Variants in CNTN2 observed in about 807,000 individuals in gnomAD.
CNTN2 encodes the protein contactin 2, also known as contactin-2.
Under a neutral mutation model 117.5 loss-of-function variants are expected in CNTN2, and 53 were observed. The ratio of observed to expected loss-of-function variants is 0.45; its 90% confidence interval spans 0.36 to 0.57. The LOEUF (loss-of-function observed/expected upper bound fraction) is 0.57. CNTN2 is among the 20% of genes least tolerant of loss of function. The pLI, the probability that CNTN2 is intolerant of heterozygous loss-of-function variation, is 0.00. For missense variants in CNTN2, 1,106 were observed against 1,404.3 expected (o/e 0.79, Z 3.39); for synonymous variants, 530 against 561.7 (o/e 0.94, Z 0.80).
At chr1:205,072,362 A>G (rs1574662930) in intron 20 of CNTN2, 121 bp from the exon 21 acceptor site, 1 of 745,876 alleles carries the variant, frequency 1.3e-6, no homozygotes, top group African/African-American at 1.9e-5. Flanking sequence ...CGTGGGCATG[A>G]CAGAATGTGC....
rs1018407005 is a variant in CNTN2 at position 205,059,449 on chromosome 1, C to G, written c.698-134C>G. ...TCCTCCTGCTTCAAATCCTGAGGCC[C>G]TTGCCCCAGGCCTCAAGGAGATTCC... On this transcript the variant is annotated intron_variant, in intron 6 of 22. Transcript: ENST00000331830. This position sits in a 1 kb window ranked among gnomAD's most constrained non-coding sequence, Gnocchi z 5.6. 57 of 1,170,864 alleles carry G rather than the reference C, an allele frequency of 4.9e-5. No homozygotes were observed. Among genetic ancestry groups the G allele is most frequent in the Non-Finnish European group, 5.9e-5 (47 of 801,162 alleles). 72.5% of individuals were successfully genotyped at this position (1,170,864 alleles called of 1,614,324 possible).
At chr1:205,044,099 C>T (rs954697742) in intron 1 of CNTN2, among the ~76,000 whole-genome samples, 4 of 152,162 alleles carry the variant, frequency 2.6e-5, no homozygotes, top group African/African-American at 7.2e-5. Context: ...CCCTCCCCCC[C>T]ATCCTCACTG....
At chr1:205,066,001 C>A in intron 14 of CNTN2, 92 bp downstream of exon 14, 1 of 1,462,614 alleles carries the variant, frequency 6.8e-7, no homozygotes, top group Non-Finnish European at 9.2e-7. Flanking sequence ...CCTCCCTTCC[C>A]TCAAAGCTGC....
In CNTN2 at chr1:205,065,031, C is replaced by A; in HGVS notation, c.1520-56C>A. The A allele has an allele frequency of 6.3e-7, 1 of 1,582,158 alleles. No individual in the cohort carries two copies. The highest frequency in any genetic ancestry group is 8.6e-7 in the Non-Finnish European group (1 of 1,158,026). ...GAGCCTCTCAGCCTGCCCTGCGGAC[C>A]CGGCCTGGGCCCATTTCCTCCCCCA... On this transcript the variant is annotated intron_variant, in intron 12 of 22. Coordinates refer to ENST00000331830, the MANE Select transcript of CNTN2 (RefSeq NM_005076.5). This position sits in a 1 kb window ranked among gnomAD's most constrained non-coding sequence, Gnocchi z 4.1.
At position 205,059,020 on chromosome 1, in the gene CNTN2, TCCCA is replaced by T; in HGVS notation, c.488-59_488-56del. On this transcript the variant is annotated intron_variant, in intron 5 of 22. Coordinates refer to ENST00000331830, the MANE Select transcript of CNTN2 (RefSeq NM_005076.5). This position sits in a 1 kb window ranked among gnomAD's most constrained non-coding sequence, Gnocchi z 5.6. ...GCAGAACCGCACCAGCATGCTGGGG[TCCCA>T]CCCAGAGTGGCCCTGTTAGCCCAGC... 1 of 1,444,636 alleles carries T rather than the reference TCCCA, an allele frequency of 6.9e-7. No homozygotes were observed. The highest frequency in any genetic ancestry group is 9.7e-7 in the Non-Finnish European group (1 of 1,036,184). 89.5% of individuals were successfully genotyped at this position (1,444,636 alleles called of 1,614,324 possible). A position where few individuals can be genotyped will look rare whatever the true frequency, so the allele number is the denominator to read the frequency against.
At chr1:205,064,128 G>T (rs56944696) in intron 10 of CNTN2, among the ~76,000 whole-genome samples, 194 bp from the exon 11 acceptor site, 2 of 64,412 alleles carry the variant, frequency 3.1e-5, no homozygotes, top group African/African-American at 8.0e-5. Context: ...AGGGGCGGAG[G>T]GGGGGCGCGT....
intron 1 of CNTN2, among the ~76,000 whole-genome samples, chr1:205,047,486 G>A (rs901009151): frequency 2.0e-5 from 3 of 152,130 alleles, no homozygotes; most frequent in Non-Finnish European, 4.4e-5. Flanking sequence ...GGAGGTGAGG[G>A]CTGTTGAGAA....
Position 205,062,422 on chromosome 1 carries a change from C to T in CNTN2, c.1111-18C>T. ...CCTGTGGTCCTGATCCCCCTGGGCTCTGGGCTCTTCTGCACAGAACCGGGT... is the reference window on the plus strand; with the variant it reads ...CCTGTGGTCCTGATCCCCCTGGGCTTTGGGCTCTTCTGCACAGAACCGGGT... On this transcript the variant is annotated intron_variant, in intron 9 of 22. Coordinates refer to ENST00000331830, the MANE Select transcript of CNTN2 (RefSeq NM_005076.5). 1 of 1,605,696 alleles carries T rather than the reference C, an allele frequency of 6.2e-7. No homozygotes were observed. Among genetic ancestry groups the T allele is most frequent in the South Asian group, 1.1e-5 (1 of 89,348 alleles).
In CNTN2 at chr1:205,058,018, G is replaced by C; in HGVS notation, c.168G>C (p.Gln56His). The C allele has an allele frequency of 6.2e-7, 1 of 1,614,116 alleles. No individual in the cohort carries two copies. Among genetic ancestry groups the C allele is most frequent in the Non-Finnish European group, 8.5e-7 (1 of 1,180,026 alleles). ...VLFPEESTEE[Q>H]VLLACRARAS... ...TCCCAGAGGAGTCCACGGAGGAGCA[G>C]GTGTTGCTGGCATGCCGCGCCCGGG... Residue 56 changes from glutamine to histidine, a missense_variant, in exon 3 of 23, where the codon CAG becomes CAC. Physicochemically the swap from Gln to His is conservative, Grantham distance 24 (BLOSUM62 0). Coordinates refer to ENST00000331830, the MANE Select transcript of CNTN2 (RefSeq NM_005076.5). This position sits in a 1 kb window ranked among gnomAD's most constrained non-coding sequence, Gnocchi z 4.3.
In CNTN2 at chr1:205,058,662, A is replaced by C. The variant is rs114050151; in HGVS notation, c.486A>C (p.Pro162=). 0.034 allele frequency: 55,568 copies of C among 1,612,652 alleles called. 1,722 individuals are homozygous for C. Among genetic ancestry groups the C allele is most frequent in the South Asian group, 0.12 (10,737 of 90,842 alleles). ...MLPCNPPAHY[P]GLSYRWLLNE... is the part of the protein sequence containing the mutation. The stretch of plus-strand genomic sequence containing the variant: ...CCTGTAACCCACCTGCCCACTACCC[A>C]GGTGAGTCCAGACCTGGGGCCAGGG... The change falls in exon 5 of 23, where the codon CCA becomes CCC. Residue 162 remains proline, a splice_region_variant and synonymous_variant. Transcript: ENST00000331830. This position sits in a 1 kb window ranked among gnomAD's most constrained non-coding sequence, Gnocchi z 4.3.
chr1:205,044,168 A>T (rs1374323943), intron 1 of CNTN2, among the ~76,000 whole-genome samples: 1 of 152,158 alleles, frequency 6.6e-6, no homozygotes, highest in Non-Finnish European at 1.5e-5. Flanking sequence ...GGCTGGGGCC[A>T]GAATGGTATG....
chr1:205,047,816 C>T (rs1344856725), intron 1 of CNTN2, among the ~76,000 whole-genome samples: 1 of 152,182 alleles, frequency 6.6e-6, no homozygotes, highest in Admixed American at 6.5e-5. Context: ...TTCCTGAGCA[C>T]TCACTATGAG....
chr1:205,045,192 G>A (rs987722229), intron 1 of CNTN2, among the ~76,000 whole-genome samples: 3 of 152,060 alleles, frequency 2.0e-5, no homozygotes, highest in Non-Finnish European at 2.9e-5. Flanking sequence ...TCTCATTCCC[G>A]GCTCTTTCTC....
In CNTN2 at chr1:205,073,184, A is replaced by G; in HGVS notation, c.2961A>G (p.Thr987=). 6.2e-7 allele frequency: 1 copy of G among 1,614,082 alleles called. No individual in the cohort carries two copies. Among genetic ancestry groups the G allele is most frequent in the African/African-American group, 1.3e-5 (1 of 75,006 alleles). ...ATGCCCTGGTACAAATTCGGACCAC[A>G]GGGCCCGGAGGGGATGGGATCCCTG... The part of the protein sequence containing the change: ...IGHALVQIRT[T]GPGGDGIPAE... Residue 987 remains threonine (T), a synonymous_variant, in exon 22 of 23, where the codon ACA becomes ACG. Transcript: ENST00000331830. This position sits in a 1 kb window ranked among gnomAD's most constrained non-coding sequence, Gnocchi z 6.3.
chr1:205,067,306 C>A, intron 16 of CNTN2, 56 bp downstream of exon 16: 1 of 1,559,488 alleles, frequency 6.4e-7, no homozygotes, highest in Non-Finnish European at 8.7e-7. Context: ...CCTGGCACCA[C>A]TTATAGGGAA....
rs1022274125 is a variant in CNTN2, at chr1:205,048,953, G to A, written c.-86-4147G>A. On this transcript the variant is annotated intron_variant, in intron 1 of 22. Transcript: ENST00000331830. The surrounding 1 kb of genome is among the most constrained non-coding windows in gnomAD (Gnocchi z 4.1). Reference sequence around the variant, plus strand: ...TGTGTGTGTGTGTGTGTGTGTGTGTGTGTGTGTTCACCCAAGGCTGTGGCA... The same window carrying A: ...TGTGTGTGTGTGTGTGTGTGTGTGTATGTGTGTTCACCCAAGGCTGTGGCA... Among the ~76,000 whole-genome samples, 3 of 132,784 alleles carry A rather than the reference G, an allele frequency of 2.3e-5. No homozygotes were observed. Among genetic ancestry groups the A allele is most frequent in the African/African-American group, 8.4e-5 (3 of 35,540 alleles). 87.1% of individuals were successfully genotyped at this position (132,784 alleles called of 152,430 possible).
At chr1:205,071,227 C>T (rs1003802302) in intron 19 of CNTN2, among the ~76,000 whole-genome samples, 1 of 152,216 alleles carries the variant, frequency 6.6e-6, no homozygotes, top group Non-Finnish European at 1.5e-5. Flanking sequence ...AGTTGATCAT[C>T]CTGTCCCGGG....
At position 205,058,788 on chromosome 1, in the gene CNTN2, C is replaced by T; in HGVS notation, c.487+125C>T. 1.4e-6 allele frequency: 1 copy of T among 728,746 alleles called. No homozygotes were observed. Among genetic ancestry groups the T allele is most frequent in the Non-Finnish European group, 2.2e-6 (1 of 444,860 alleles). 45.1% of individuals were successfully genotyped at this position (728,746 alleles called of 1,614,324 possible). ...CCCTTAGAAGCACCCATCCCTGGGA[C>T]CCTAACTTTAAATGATCTGTGTTTC... On this transcript the variant is annotated intron_variant, in intron 5 of 22. Coordinates refer to ENST00000331830, the MANE Select transcript of CNTN2 (RefSeq NM_005076.5). This position sits in a 1 kb window ranked among gnomAD's most constrained non-coding sequence, Gnocchi z 4.3.
At chr1:205,067,515 A>G (rs1216531689) in intron 16 of CNTN2, 3 of 355,510 alleles carry the variant, frequency 8.4e-6, no homozygotes, top group Non-Finnish European at 1.5e-5. Context: ...TTAATTTTTA[A>G]AAGTGGAAAA....
Sources: gnomAD v4.1 joint callset for allele counts (sites outside exome capture counted in the v4.1 genomes callset) on GRCh38, gnomAD v4.1.1 for gene constraint, Gnocchi (gnomAD v3.1) non-coding constraint, MANE v1.5 for transcripts, NCBI Gene and HGNC (gene_info 2026-07-23, HGNC 2026-07-21) for gene names.